Variants in LRRTM4 observed in about 807,000 individuals in gnomAD.
LRRTM4 encodes leucine rich repeat transmembrane neuronal 4, also known as leucine-rich repeat transmembrane neuronal protein 4.
In LRRTM4, 25 loss-of-function variants were observed where a neutral mutation model predicts 47.6. That is an observed-to-expected ratio of 0.53 (90% confidence interval 0.38 to 0.73). The LOEUF (loss-of-function observed/expected upper bound fraction) is 0.73. LRRTM4 is among the 30% of genes least tolerant of loss of function. LRRTM4 has a pLI of 0.00. For missense variants in LRRTM4, 638 were observed against 713.4 expected, an observed-to-expected ratio of 0.89 and a Z score of 1.20; for synonymous variants, 311 against 269.5, an observed-to-expected ratio of 1.15 and a Z score of -1.51.
chr2:77,473,960 C>T (rs1677283974), intron 3 of LRRTM4, among the ~76,000 whole-genome samples: 1 of 152,080 alleles, frequency 6.6e-6, no homozygotes, highest in Non-Finnish European at 1.5e-5. Flanking sequence ...TGTTCTTTGT[C>T]ACTTTACTTA....
At chr2:77,395,159 A>G (rs1456924872) in intron 3 of LRRTM4, among the ~76,000 whole-genome samples, 1 of 151,806 alleles carries the variant, frequency 6.6e-6, no homozygotes, top group Non-Finnish European at 1.5e-5. Flanking sequence ...CTAATTTAAC[A>G]TTATTGCTGG....
At chr2:76,946,702 G>A (rs1675334132) in intron 3 of LRRTM4, among the ~76,000 whole-genome samples, 1 of 151,800 alleles carries the variant, frequency 6.6e-6, no homozygotes, top group African/African-American at 2.4e-5. Context: ...CAACATTGTA[G>A]ACATGTAACA....
At chr2:77,365,294 G>A (rs1558709025) in intron 3 of LRRTM4, among the ~76,000 whole-genome samples, 1 of 151,926 alleles carries the variant, frequency 6.6e-6, no homozygotes, top group Non-Finnish European at 1.5e-5. Context: ...ATATCACAAA[G>A]TTTAGCTCTA....
intron 3 of LRRTM4, among the ~76,000 whole-genome samples, chr2:76,769,036 T>A (rs1673575466): frequency 6.6e-6 from 1 of 152,166 alleles, no homozygotes; most frequent in African/African-American, 2.4e-5. Flanking sequence ...TGGCACAGTT[T>A]AAGAAATGAC....
chr2:77,324,755 T>C (rs553718363), intron 3 of LRRTM4, among the ~76,000 whole-genome samples: 2 of 152,278 alleles, frequency 1.3e-5, no homozygotes, highest in Admixed American at 6.5e-5. Flanking sequence ...AAGGCCATGG[T>C]ATGGTTTCAT....
Position 77,522,178 on chromosome 2 carries a change from C to A in LRRTM4, c.-217G>T, listed in dbSNP as rs149437306. The A allele has an allele frequency of 0.015, 10,708 of 713,516 alleles. 131 individuals are homozygous for A. Among genetic ancestry groups the A allele is most frequent in the South Asian group, 0.017 (1,162 of 67,338 alleles). The allele number at this position is 713,516 out of a possible 1,614,324, so 44.2% of individuals were successfully genotyped here. On this transcript the variant is annotated 5_prime_UTR_variant, in exon 1 of 4. Coordinates refer to ENST00000409884, the MANE Select transcript of LRRTM4 (RefSeq NM_001134745.3). The stretch of plus-strand genomic sequence containing the variant: ...CAATTCATCCTCTGGATTTTCAGTT[C>A]TTGAAGCAAGTAGGCCTCCTGTGCT...
chr2:77,193,175 G>C, intron 3 of LRRTM4, among the ~76,000 whole-genome samples: 1 of 152,062 alleles, frequency 6.6e-6, no homozygotes, highest in Non-Finnish European at 1.5e-5. Flanking sequence ...ACAGTAACAG[G>C]CTGTACAGGT....
chr2:76,924,650 C>T (rs777103165), intron 3 of LRRTM4, among the ~76,000 whole-genome samples: 3 of 151,594 alleles, frequency 2.0e-5, no homozygotes, highest in Non-Finnish European at 2.9e-5. Flanking sequence ...ACAGTTTGAG[C>T]GTAATACAAA....
At chr2:77,023,216 C>A (rs1468976486) in intron 3 of LRRTM4, among the ~76,000 whole-genome samples, 5 of 152,210 alleles carry the variant, frequency 3.3e-5, no homozygotes, top group Non-Finnish European at 4.4e-5. Context: ...GGCTGAGATG[C>A]AGGGCACCAT....
chr2:76,970,151 A>G (rs1352471926), intron 3 of LRRTM4, among the ~76,000 whole-genome samples: 1 of 152,002 alleles, frequency 6.6e-6, no homozygotes, highest in African/African-American at 2.4e-5. Context: ...TCCTTCCATG[A>G]TATGTAAAAT....
chr2:77,235,362 C>A lies in LRRTM4; in HGVS notation c.1551+282956G>T, dbSNP rs147067260. Among the ~76,000 whole-genome samples the A allele has an allele frequency of 2.7e-3, 417 of 152,090 alleles. 2 individuals carry two copies. The highest frequency in any genetic ancestry group is 9.8e-3 in the African/African-American group (407 of 41,512). On this transcript the variant is annotated intron_variant, in intron 3 of 3. Transcript: ENST00000409884. Reference sequence around the variant, plus strand: ...AGAAGTATCTGTTCATTTCTCATGCCCATTTTTAATGGGGTTATTTGGTTT... The same window carrying A: ...AGAAGTATCTGTTCATTTCTCATGCACATTTTTAATGGGGTTATTTGGTTT...
At chr2:77,429,175 A>G (rs993339236) in intron 3 of LRRTM4, among the ~76,000 whole-genome samples, 14 of 152,332 alleles carry the variant, frequency 9.2e-5, no homozygotes, top group Admixed American at 7.8e-4. Context: ...ACGAATGGCA[A>G]TTGAGCTCCA....
chr2:77,022,558 G>A (rs188773607), intron 3 of LRRTM4, among the ~76,000 whole-genome samples: 78 of 152,274 alleles, frequency 5.1e-4, no homozygotes, highest in African/African-American at 1.9e-3. Context: ...AGATACAATG[G>A]AGGTACAGAT....
intron 3 of LRRTM4, among the ~76,000 whole-genome samples, chr2:77,296,129 T>G (rs1460263775): frequency 6.6e-6 from 1 of 152,182 alleles, no homozygotes; most frequent in African/African-American, 2.4e-5. Context: ...TCTTAAGCCT[T>G]TAAACTTGTT....
At chr2:77,306,570 G>T (rs114814741) in intron 3 of LRRTM4, among the ~76,000 whole-genome samples, 1 of 151,968 alleles carries the variant, frequency 6.6e-6, no homozygotes, top group African/African-American at 2.4e-5. Flanking sequence ...CCTTAATATC[G>T]CTCTCCTCTT....
chr2:76,775,161 T>G (rs1432832251), intron 3 of LRRTM4, among the ~76,000 whole-genome samples: 1 of 152,216 alleles, frequency 6.6e-6, no homozygotes, highest in East Asian at 1.9e-4. Context: ...ATTTAGACAT[T>G]GTTTCTTCCA....
chr2:76,917,741 A>T (rs1674302902), intron 3 of LRRTM4, among the ~76,000 whole-genome samples: 1 of 152,172 alleles, frequency 6.6e-6, no homozygotes, highest in Non-Finnish European at 1.5e-5. Flanking sequence ...AAGGACAGTC[A>T]TGCCCCTAAC....
intron 3 of LRRTM4, among the ~76,000 whole-genome samples, chr2:76,811,983 A>G (rs573677711): frequency 5.1e-4 from 77 of 152,280 alleles, no homozygotes; most frequent in Non-Finnish European, 9.3e-4. Flanking sequence ...CCATACTCCC[A>G]TTATACTAAA....
At chr2:77,072,390 G>GA (rs1406582029) in intron 3 of LRRTM4, among the ~76,000 whole-genome samples, 4 of 152,000 alleles carry the variant, frequency 2.6e-5, no homozygotes, top group African/African-American at 7.2e-5. Context: ...TTATTTCTGT[G>GA]AAAAAACCTG....
Sources: gnomAD v4.1 joint callset for allele counts (sites outside exome capture counted in the v4.1 genomes callset) on GRCh38, gnomAD v4.1.1 for gene constraint, MANE v1.5 for transcripts, NCBI Gene and HGNC (gene_info 2026-07-23, HGNC 2026-07-21) for gene names.